The following RPSA2 variants were observed in gnomAD, a reference collection of about 807,000 sequenced individuals.
The protein encoded by RPSA2 is small ribosomal subunit protein uS2B.
At chr19:23,869,209 C>T in the RPSA2 span, among the ~76,000 whole-genome samples, 148,961 of 152,288 alleles carry the variant, frequency 0.98, 72,945 homozygotes, top group Middle Eastern at 1. Context: ...GGACATAGAA[C>T]AGTTAGACTC....
the RPSA2 span, among the ~76,000 whole-genome samples, chr19:23,822,915 T>A: frequency 1.3e-5 from 2 of 152,308 alleles, no homozygotes; most frequent in Non-Finnish European, 1.5e-5. Flanking sequence ...GATTTTTTTT[T>A]GGTGGCTTAG....
the RPSA2 span, chr19:23,808,807 A>AC: frequency 1.1e-6 from 1 of 892,288 alleles, no homozygotes. Context: ...TGGTGGATGA[A>AC]CCCCCAGGTA....
At chr19:23,858,932 C>T in the RPSA2 span, among the ~76,000 whole-genome samples, 148,980 of 152,306 alleles carry the variant, frequency 0.98, 72,957 homozygotes, top group Middle Eastern at 1. Flanking sequence ...CTGTAAAATC[C>T]GCTGTGCTTC....
At chr19:23,769,362 G>A in the RPSA2 span, among the ~76,000 whole-genome samples, 5 of 152,088 alleles carry the variant, frequency 3.3e-5, no homozygotes, top group South Asian at 1.0e-3. Context: ...CTCTTTTTTC[G>A]AGATGGAGTC....
the RPSA2 span, chr19:23,828,149 A>T: frequency 1.5e-6 from 1 of 678,400 alleles, no homozygotes; most frequent in Non-Finnish European, 2.5e-6. Context: ...TGCAATAATT[A>T]TGAGTCTATA....
the RPSA2 span, among the ~76,000 whole-genome samples, chr19:23,790,965 C>T: frequency 3.9e-5 from 6 of 152,296 alleles, no homozygotes; most frequent in South Asian, 4.1e-4. Context: ...GGCCCCCGGG[C>T]GTCCTGTCTT....
the RPSA2 span, among the ~76,000 whole-genome samples, chr19:23,820,498 T>A: frequency 6.6e-6 from 1 of 152,146 alleles, no homozygotes; most frequent in African/African-American, 2.4e-5. Flanking sequence ...AGGGCTTCTT[T>A]TCTAGAGTGT....
the RPSA2 span, among the ~76,000 whole-genome samples, chr19:23,821,047 C>G: frequency 2.6e-5 from 4 of 152,164 alleles, no homozygotes; most frequent in Non-Finnish European, 5.9e-5. Flanking sequence ...AGCAAAATAG[C>G]TGGGTTTAGA....
the RPSA2 span, among the ~76,000 whole-genome samples, chr19:23,847,946 T>C: frequency 0.99 from 150,696 of 152,228 alleles, 74,609 homozygotes; most frequent in Middle Eastern, 1. Context: ...TCTTTTTGCC[T>C]GACCCCGCAG....
chr19:23,761,934 T>TCCTTCC, the RPSA2 span, among the ~76,000 whole-genome samples: 1 of 129,896 alleles, frequency 7.7e-6, no homozygotes. Flanking sequence ...TTTTTTTTTT[T>TCCTTCC]TGAGATGGAG....
chr19:23,860,022 A>C, the RPSA2 span, among the ~76,000 whole-genome samples: 1 of 152,210 alleles, frequency 6.6e-6, no homozygotes. Flanking sequence ...GTATTCTATC[A>C]AAGAGGGTAC....
chr19:23,856,733 G>T, the RPSA2 span, among the ~76,000 whole-genome samples: 5 of 152,112 alleles, frequency 3.3e-5, no homozygotes, highest in Non-Finnish European at 5.9e-5. Flanking sequence ...CAGCTGGGCC[G>T]CTGGGGGTGA....
At chr19:23,800,681 T>TCA in the RPSA2 span, among the ~76,000 whole-genome samples, 1 of 152,064 alleles carries the variant, frequency 6.6e-6, no homozygotes, top group African/African-American at 2.4e-5. Context: ...TGGCACAATC[T>TCA]CAGCTCACTG....
At chr19:23,767,761 G>GTT in the RPSA2 span, among the ~76,000 whole-genome samples, 94 of 73,114 alleles carry the variant, frequency 1.3e-3, 1 homozygote, top group African/African-American at 4.7e-3. Flanking sequence ...TTCAATTTCA[G>GTT]TTTTTTTTTT....
chr19:23,802,102 T>G, the RPSA2 span, among the ~76,000 whole-genome samples: 1 of 152,222 alleles, frequency 6.6e-6, no homozygotes, highest in Non-Finnish European at 1.5e-5. Flanking sequence ...TTTTCTGCAT[T>G]GTGAGATGTC....
the RPSA2 span, among the ~76,000 whole-genome samples, chr19:23,768,546 T>G: frequency 1.5e-5 from 2 of 130,988 alleles, no homozygotes; most frequent in African/African-American, 2.8e-5. Context: ...TTAAATGACA[T>G]GTTTATTGTC....
At chr19:23,822,700 CAG>C in the RPSA2 span, among the ~76,000 whole-genome samples, 1 of 152,124 alleles carries the variant, frequency 6.6e-6, no homozygotes, top group African/African-American at 2.4e-5. Flanking sequence ...CCTCCTGGGA[CAG>C]GGGCTCAGAT....
At chr19:23,841,683 G>A in the RPSA2 span, among the ~76,000 whole-genome samples, 124 of 152,246 alleles carry the variant, frequency 8.1e-4, no homozygotes, top group Middle Eastern at 6.8e-3. Context: ...TTATTCTCTA[G>A]GCATAAGCCT....
chr19:23,860,780 A>G, the RPSA2 span, among the ~76,000 whole-genome samples: 1 of 152,234 alleles, frequency 6.6e-6, no homozygotes, highest in Non-Finnish European at 1.5e-5. Context: ...TTGAGCTGGT[A>G]GCATGCATGA....
Sources: gnomAD v4.1 joint callset for allele counts (sites outside exome capture counted in the v4.1 genomes callset) on GRCh38, gnomAD v4.1.1 for gene constraint, MANE v1.5 for transcripts, NCBI Gene and HGNC (gene_info 2026-07-23, HGNC 2026-07-21) for gene names.